The following C5 variants were observed in gnomAD, a reference collection of about 807,000 sequenced individuals.
C5 encodes complement C5, also known as C3 and PZP-like alpha-2-macroglobulin domain-containing protein 4.
A neutral mutation model predicts 218.8 loss-of-function variants in C5; 140 were observed. The ratio of observed to expected loss-of-function variants is 0.64; its 90% CI spans 0.56 to 0.74. C5 has a LOEUF of 0.74. Among genes scored for constraint, C5 ranks in the 30% least tolerant of loss-of-function variants. The pLI, the probability that C5 is intolerant of heterozygous loss-of-function variation, is 0.00. For synonymous variants in C5, 614 were observed against 682.3 expected (o/e 0.90, Z 1.56); for missense variants, 1,700 against 1,969.6 (o/e 0.86, Z 2.59).
intron 11 of C5, among the ~76,000 whole-genome samples, chr9:121,020,777 C>A (rs41309032): frequency 6.6e-6 from 1 of 152,334 alleles, no homozygotes; most frequent in East Asian, 1.9e-4. Flanking sequence ...AGTACCACCA[C>A]TTATTAACTC....
At position 121,003,993 on chromosome 9, in the gene C5, C is replaced by T. The variant is rs148141449; in HGVS notation, c.2562+1926G>A. On this transcript the variant is annotated intron_variant, in intron 20 of 40. Coordinates refer to ENST00000223642, the MANE Select transcript of C5 (RefSeq NM_001735.3). Reference sequence around the variant, plus strand: ...ACGCCATTCTCCGGCCTCTGTCTCCCGAGTAGCTGGGACTACAGGCGCCTG... The same window carrying T: ...ACGCCATTCTCCGGCCTCTGTCTCCTGAGTAGCTGGGACTACAGGCGCCTG... Among the ~76,000 whole-genome samples the T allele has an allele frequency of 1.1e-3, 160 of 152,174 alleles. 2 individuals carry two copies. In the East Asian group the frequency reaches 0.026, roughly 25 times the overall value.
intron 9 of C5, 57 bp from the exon 10 acceptor site, chr9:121,023,576 G>T (rs1333225063): frequency 2.1e-6 from 2 of 940,068 alleles, no homozygotes; most frequent in East Asian, 4.8e-5. Flanking sequence ...GATCTGTATG[G>T]ATATCCATTT....
chr9:121,054,311 T>C (rs746374181), upstream of C5, among the ~76,000 whole-genome samples: 4 of 152,144 alleles, frequency 2.6e-5, no homozygotes, highest in Non-Finnish European at 4.4e-5. Context: ...AAAGTTAACC[T>C]GGTATAGTCC....
At chr9:120,980,758 A>ATT (rs41311923) in intron 27 of C5, among the ~76,000 whole-genome samples, 327 of 145,118 alleles carry the variant, frequency 2.3e-3, no homozygotes, top group Middle Eastern at 6.9e-3. Flanking sequence ...CGCCCGGCTA[A>ATT]TTTTTTTTTT....
In C5 at chr9:120,953,945, G is replaced by A. The variant is rs41313633; in HGVS notation, c.4763-77C>T. ...CAATTATAAACTCTCAAGTTTTCTG[G>A]TTCCTCGTGGCTATTGAGAGGTTCA... On this transcript the variant is annotated intron_variant, in intron 39 of 40. Transcript: ENST00000223642. 1,108 of 1,497,536 alleles carry A rather than the reference G, an allele frequency of 7.4e-4. 11 individuals are homozygous for A. In the African/African-American group the frequency reaches 0.014, roughly 19 times the overall value. The allele number at this position is 1,497,536 out of a possible 1,614,324, so 92.8% of individuals were successfully genotyped here.
At chr9:121,002,316 G>GTGTATA (rs572345213) in intron 20 of C5, among the ~76,000 whole-genome samples, 1 of 87,394 alleles carries the variant, frequency 1.1e-5, no homozygotes, top group African/African-American at 4.5e-5. Context: ...ATATGTGTGT[G>GTGTATA]TATATATATA....
At chr9:120,981,822 G>C in intron 27 of C5, 22 bp downstream of exon 27, 1 of 1,523,682 alleles carries the variant, frequency 6.6e-7, no homozygotes, top group Non-Finnish European at 9.1e-7. Context: ...ATGGGTGTGA[G>C]AGAAAGAAAA....
At chr9:121,029,893 T>C (rs2047459240) in intron 7 of C5, among the ~76,000 whole-genome samples, 1 of 152,164 alleles carries the variant, frequency 6.6e-6, no homozygotes, top group Admixed American at 6.5e-5. Context: ...GGACAGGACC[T>C]TCCTAGACCA....
At chr9:121,039,404 C>T (rs371204076) in intron 3 of C5, among the ~76,000 whole-genome samples, 3 of 152,056 alleles carry the variant, frequency 2.0e-5, no homozygotes, top group Non-Finnish European at 2.9e-5. Context: ...TTTGGGAGGC[C>T]GAGGTAAGTG....
rs182613476 is a variant in C5 at position 121,001,981 on chromosome 9, C to T, written c.2562+3938G>A. Among the ~76,000 whole-genome samples the T allele has an allele frequency of 1.4e-3, 205 of 151,662 alleles. 1 individual carries two copies. Among genetic ancestry groups the T allele is most frequent in the Middle Eastern group, 3.4e-3 (1 of 294 alleles). On this transcript the variant is annotated intron_variant, in intron 20 of 40. Coordinates refer to ENST00000223642, the MANE Select transcript of C5 (RefSeq NM_001735.3). ...ACAACCCAAATGTCTTTAATAGAAA[C>T]ATGGTTCAATAAATTATAGTATACC...
At chr9:121,067,817 G>A in the C5 span, among the ~76,000 whole-genome samples, 1 of 152,030 alleles carries the variant, frequency 6.6e-6, no homozygotes, top group African/African-American at 2.4e-5. Context: ...CAAAAGATGT[G>A]CCTTGCTTCC....
chr9:121,062,385 GACA>G, the C5 span, among the ~76,000 whole-genome samples: 18,154 of 152,070 alleles, frequency 0.12, 1,542 homozygotes, highest in African/African-American at 0.24. Flanking sequence ...ATAAATGCAG[GACA>G]ACAACAGAGC....
At chr9:121,063,483 C>T in the C5 span, among the ~76,000 whole-genome samples, 23 of 152,094 alleles carry the variant, frequency 1.5e-4, no homozygotes, top group African/African-American at 5.1e-4. Flanking sequence ...CTGAAAATAT[C>T]TCACGTAAAG....
At chr9:121,032,485 T>G (rs1307236074) in intron 5 of C5, among the ~76,000 whole-genome samples, 1 of 152,236 alleles carries the variant, frequency 6.6e-6, no homozygotes, top group Non-Finnish European at 1.5e-5. Context: ...TTATTATTTC[T>G]GAGAATTTAT....
intron 17 of C5, 59 bp from the exon 18 acceptor site, chr9:121,008,557 A>T (rs558535219): frequency 8.2e-7 from 1 of 1,213,712 alleles, no homozygotes; most frequent in South Asian, 1.2e-5. Flanking sequence ...CTTATAGGTG[A>T]ATTTTAAAAT....
At chr9:121,001,224 A>G (rs1010597394) in intron 20 of C5, among the ~76,000 whole-genome samples, 1 of 152,222 alleles carries the variant, frequency 6.6e-6, no homozygotes, top group African/African-American at 2.4e-5. Flanking sequence ...ATCTTCAACT[A>G]TGAAATAGAT....
intron 21 of C5, among the ~76,000 whole-genome samples, chr9:120,996,610 C>T (rs1428972555): frequency 6.6e-6 from 1 of 152,212 alleles, no homozygotes; most frequent in African/African-American, 2.4e-5. Context: ...TCCCATTCGA[C>T]AGATGAGGAG....
At chr9:120,987,248 C>T (rs1313241362) in intron 25 of C5, among the ~76,000 whole-genome samples, 1 of 151,858 alleles carries the variant, frequency 6.6e-6, no homozygotes, top group Non-Finnish European at 1.5e-5. Flanking sequence ...GGGCCATTGG[C>T]CTAGATGTTA....
intron 7 of C5, among the ~76,000 whole-genome samples, 199 bp from the exon 8 acceptor site, chr9:121,027,473 A>G (rs2047434505): frequency 1.3e-5 from 2 of 152,206 alleles, no homozygotes; most frequent in South Asian, 2.1e-4. Context: ...CCAAAACAGC[A>G]TGGTACTGGT....
Sources: gnomAD v4.1 joint callset for allele counts (sites outside exome capture counted in the v4.1 genomes callset) on GRCh38, gnomAD v4.1.1 for gene constraint, MANE v1.5 for transcripts, NCBI Gene and HGNC (gene_info 2026-07-23, HGNC 2026-07-21) for gene names.